Variants in FAM219A observed in about 807,000 individuals in gnomAD.
FAM219A encodes family with sequence similarity 219 member A, also known as protein FAM219A.
In FAM219A, 7 loss-of-function variants were observed where a neutral mutation model predicts 23.4. The observed-to-expected ratio is 0.30, with a 90% CI of 0.17 to 0.56. FAM219A has a LOEUF of 0.56. Ranked by LOEUF, FAM219A falls within the 20% of genes least tolerant of loss-of-function variation. The pLI is 0.92. For synonymous variants in FAM219A, 93 were observed against 99.0 expected, an observed-to-expected ratio of 0.94 and a Z score of 0.36; for missense variants, 166 against 246.9, an observed-to-expected ratio of 0.67 and a Z score of 2.20.
intron 1 of FAM219A, among the ~76,000 whole-genome samples, chr9:34,438,410 T>A (rs1823013017): frequency 6.6e-6 from 1 of 152,232 alleles, no homozygotes; most frequent in African/African-American, 2.4e-5. Flanking sequence ...GCTGGGTTCC[T>A]GAGTCTGGTG....
intron 1 of FAM219A, among the ~76,000 whole-genome samples, chr9:34,421,007 TGTGAGA>T (rs1409675990): frequency 5.2e-5 from 4 of 76,794 alleles, no homozygotes; most frequent in African/African-American, 1.0e-4. Context: ...TGTGTGTGTG[TGTGAGA>T]GAGAGAGAGA....
At chr9:34,440,485 C>T (rs964819704) in intron 1 of FAM219A, among the ~76,000 whole-genome samples, 4 of 151,992 alleles carry the variant, frequency 2.6e-5, no homozygotes, top group Admixed American at 1.3e-4. Context: ...ACTGGGGCAA[C>T]ACAGAAATGC....
At chr9:34,440,646 CGAGACCATCCT>C (rs1823133288) in intron 1 of FAM219A, among the ~76,000 whole-genome samples, 1 of 151,838 alleles carries the variant, frequency 6.6e-6, no homozygotes, top group Non-Finnish European at 1.5e-5. Flanking sequence ...GTCAGGAGAT[CGAGACCATCCT>C]GGCTAACACG....
chr9:34,405,160 AC>A (rs1731741733), intron 2 of FAM219A, among the ~76,000 whole-genome samples: 1 of 152,230 alleles, frequency 6.6e-6, no homozygotes, highest in Non-Finnish European at 1.5e-5. Flanking sequence ...TGTGTTATAT[AC>A]AGCAGCCATG....
At chr9:34,415,957 GT>G (rs1212342256) in intron 1 of FAM219A, among the ~76,000 whole-genome samples, 1 of 151,984 alleles carries the variant, frequency 6.6e-6, no homozygotes, top group East Asian at 1.9e-4. Context: ...ACTTCATGCT[GT>G]GCTTAGGCAT....
At chr9:34,410,691 A>G (rs1017440041) in intron 1 of FAM219A, among the ~76,000 whole-genome samples, 3 of 151,454 alleles carry the variant, frequency 2.0e-5, no homozygotes, top group African/African-American at 7.3e-5. Context: ...CTCAGTGCCA[A>G]GGGGATGCTC....
At chr9:34,456,072 A>G (rs975197599) in intron 1 of FAM219A, among the ~76,000 whole-genome samples, 1 of 152,150 alleles carries the variant, frequency 6.6e-6, no homozygotes, top group African/African-American at 2.4e-5. Flanking sequence ...AGGGGCCTAT[A>G]ATCCCAGCTA....
chr9:34,408,513 G>A (rs994831940), intron 1 of FAM219A, among the ~76,000 whole-genome samples: 6 of 152,224 alleles, frequency 3.9e-5, no homozygotes, highest in Non-Finnish European at 8.8e-5. Context: ...TAAGTCCCAA[G>A]TCACATTCCT....
At chr9:34,444,493 A>T (rs1364236927) in intron 1 of FAM219A, among the ~76,000 whole-genome samples, 2 of 152,180 alleles carry the variant, frequency 1.3e-5, no homozygotes, top group African/African-American at 4.8e-5. Flanking sequence ...TTACAACTCC[A>T]TTAATAGCTT....
chr9:34,417,729 T>C lies in FAM219A; in HGVS notation c.61-11765A>G, dbSNP rs370718820. Among the ~76,000 whole-genome samples, 24 of 152,348 alleles carry C rather than the reference T, an allele frequency of 1.6e-4. 1 individual carries two copies. Among genetic ancestry groups the C allele is most frequent in the African/African-American group, 5.8e-4 (24 of 41,582 alleles). ...AGGTCATCACATTTACCCATTATCT[T>C]CCATGAGAGCTCTGTTCCAGTCCTC... On this transcript the variant is annotated intron_variant, in intron 1 of 5. Transcript: ENST00000651358. The surrounding 1 kb of genome is among the most constrained non-coding windows in gnomAD (Gnocchi z 4.1).
At chr9:34,451,660 G>C (rs999398561) in intron 1 of FAM219A, among the ~76,000 whole-genome samples, 2 of 152,142 alleles carry the variant, frequency 1.3e-5, no homozygotes, top group African/African-American at 4.8e-5. Context: ...GGCAGTCAAG[G>C]GCAGCAGGCA....
At chr9:34,411,676 CAAAAA>C (rs55988337) in intron 1 of FAM219A, among the ~76,000 whole-genome samples, 3 of 114,618 alleles carry the variant, frequency 2.6e-5, no homozygotes, top group African/African-American at 9.6e-5. Context: ...GACTCCGTCT[CAAAAA>C]AAAAAAAAAA....
intron 1 of FAM219A, among the ~76,000 whole-genome samples, chr9:34,428,302 G>A (rs1022905995): frequency 2.6e-5 from 4 of 152,178 alleles, no homozygotes; most frequent in African/African-American, 9.7e-5. Flanking sequence ...GAAACCTCCT[G>A]GAATAGTAAA....
At chr9:34,412,871 TTAGGAGAGAA>T (rs1165290862) in intron 1 of FAM219A, among the ~76,000 whole-genome samples, 1 of 151,948 alleles carries the variant, frequency 6.6e-6, no homozygotes, top group Non-Finnish European at 1.5e-5. Flanking sequence ...GACAAGGGAT[TTAGGAGAGAA>T]TAGGAGATGA....
intron 1 of FAM219A, among the ~76,000 whole-genome samples, chr9:34,440,551 T>TA (rs879902734): frequency 1.1e-3 from 159 of 148,744 alleles, no homozygotes; most frequent in Middle Eastern, 3.4e-3. Context: ...TTTTTCTTAA[T>TA]AAAAAAAAAC....
At chr9:34,440,659 G>A (rs1043688964) in intron 1 of FAM219A, among the ~76,000 whole-genome samples, 1 of 152,052 alleles carries the variant, frequency 6.6e-6, no homozygotes, top group African/African-American at 2.4e-5. Context: ...GACCATCCTG[G>A]CTAACACGGT....
intron 1 of FAM219A, among the ~76,000 whole-genome samples, chr9:34,450,091 C>G (rs143533900): frequency 0.021 from 3,167 of 152,136 alleles, 90 homozygotes; most frequent in East Asian, 0.12. Flanking sequence ...GTGAATAGAT[C>G]GCTTGAGCTC....
At chr9:34,406,429 C>G (rs1353840711) in intron 1 of FAM219A, 1 of 985,308 alleles carries the variant, frequency 1.0e-6, no homozygotes, top group Admixed American at 6.1e-5. Flanking sequence ...CTGTGCTGGA[C>G]AGGTCCCTTC....
At position 34,398,588 on chromosome 9, in the gene FAM219A, G is replaced by C; in HGVS notation, c.*2376C>G. ...CCAGGGAACTAGTATGTCCTGTGGG[G>C]GGGGAGATTTTCCCTGGTGTCTCAG... On this transcript the variant is annotated 3_prime_UTR_variant, in exon 6 of 6. Transcript: ENST00000651358. 1.7e-6 allele frequency: 1 copy of C among 575,536 alleles called. No homozygotes were observed. Among genetic ancestry groups the C allele is most frequent in the South Asian group, 2.1e-5 (1 of 46,606 alleles). The allele number at this position is 575,536 out of a possible 1,614,324, so 35.7% of individuals were successfully genotyped here.
Sources: gnomAD v4.1 joint callset for allele counts (sites outside exome capture counted in the v4.1 genomes callset) on GRCh38, gnomAD v4.1.1 for gene constraint, Gnocchi (gnomAD v3.1) non-coding constraint, MANE v1.5 for transcripts, NCBI Gene and HGNC (gene_info 2026-07-23, HGNC 2026-07-21) for gene names.